ZNF248: variants seen among roughly 807,000 people sequenced by gnomAD.
The protein encoded by ZNF248 is zinc finger protein 248.
A neutral mutation model predicts 44.3 loss-of-function variants in ZNF248; 20 were observed. That is an observed-to-expected ratio of 0.45 (90% confidence interval 0.32 to 0.66). The LOEUF (loss-of-function observed/expected upper bound fraction) is 0.66. Ranked by LOEUF, ZNF248 falls within the 30% of genes least tolerant of loss-of-function variation. ZNF248 has a pLI of 0.04. For synonymous variants in ZNF248, 224 were observed against 229.0 expected, an observed-to-expected ratio of 0.98 and a Z score of 0.20; for missense variants, 654 against 677.0, an observed-to-expected ratio of 0.97 and a Z score of 0.38.
chr10:37,824,148 G>A (rs114805153), downstream of ZNF248, among the ~76,000 whole-genome samples: 919 of 152,200 alleles, frequency 6.0e-3, 10 homozygotes, highest in African/African-American at 0.021. Context: ...CAGGCTGAAG[G>A]CTCAAGACCC....
chr10:37,800,364 T>C (rs1272381330), intron 6 of ZNF248, among the ~76,000 whole-genome samples: 1 of 152,158 alleles, frequency 6.6e-6, no homozygotes, highest in East Asian at 1.9e-4. Flanking sequence ...TAAGAATATA[T>C]AGTATTTGGT....
intron 5 of ZNF248, among the ~76,000 whole-genome samples, chr10:37,834,251 A>G (rs1257178452): frequency 1.3e-5 from 2 of 152,200 alleles, no homozygotes; most frequent in African/African-American, 2.4e-5. Context: ...TACTGTTTAT[A>G]TAATTCATTG....
chr10:37,836,645 C>T (rs961777726), intron 5 of ZNF248, among the ~76,000 whole-genome samples: 3 of 152,114 alleles, frequency 2.0e-5, no homozygotes, highest in Non-Finnish European at 4.4e-5. Flanking sequence ...TACCGTCATT[C>T]TTCGTCCTCC....
Position 37,838,915 on chromosome 10 carries a change from A to G in ZNF248, c.16-804T>C, listed in dbSNP as rs1417240756. On this transcript the variant is annotated intron_variant, in intron 3 of 5. Transcript: ENST00000395867. The stretch of plus-strand genomic sequence containing the variant: ...CATACATGGTATGTGTGCTATACAG[A>G]AAAAGGTTAATACAGCAAGCCTGAG... Among the ~76,000 whole-genome samples the G allele has an allele frequency of 2.6e-5, 4 of 152,298 alleles. No individual in the cohort carries two copies. In the East Asian group the frequency reaches 7.7e-4, roughly 29 times the overall value.
At chr10:37,763,633 T>G in the ZNF248 span, among the ~76,000 whole-genome samples, 2 of 152,224 alleles carry the variant, frequency 1.3e-5, no homozygotes, top group Non-Finnish European at 2.9e-5. Flanking sequence ...AGGATTTTAA[T>G]GTTTGAGTTT....
rs191797840 is a variant in ZNF248, at chr10:37,812,191, C to T, written c.330+20834G>A. 7.4e-4 allele frequency among the ~76,000 whole-genome samples: 112 copies of T among 151,994 alleles called. No homozygotes were observed. In the East Asian group the frequency reaches 0.014, roughly 19 times the overall value. ...GGTCAAGTCTGCAGTGAGCCATGAC[C>T]GCTCCACTGCACTCCAGCCTGGGTG... On this transcript the variant is annotated intron_variant, in intron 6 of 6. Transcript: ENST00000615949.
At chr10:37,826,196 T>C (rs1424123640), downstream of ZNF248, among the ~76,000 whole-genome samples, 1 of 152,148 alleles carries the variant, frequency 6.6e-6, no homozygotes, top group Admixed American at 6.6e-5. Context: ...GTGTGTATCC[T>C]AAAAGGACAC....
At chr10:37,844,646 C>A (rs551797282) in intron 3 of ZNF248, among the ~76,000 whole-genome samples, 100 of 152,134 alleles carry the variant, frequency 6.6e-4, no homozygotes, top group Non-Finnish European at 1.0e-3. Flanking sequence ...GATACTGAGA[C>A]AAAACTGGTA....
intron 6 of ZNF248, among the ~76,000 whole-genome samples, chr10:37,817,503 C>CA (rs1367473149): frequency 6.6e-6 from 1 of 152,078 alleles, no homozygotes; most frequent in Non-Finnish European, 1.5e-5. Flanking sequence ...TGTCCAATGA[C>CA]AAAAACCCAC....
chr10:37,807,441 T>C (rs992492491), intron 6 of ZNF248, among the ~76,000 whole-genome samples: 3 of 152,188 alleles, frequency 2.0e-5, no homozygotes, highest in Non-Finnish European at 4.4e-5. Context: ...TTTGGATATA[T>C]TTTTCTACTA....
chr10:37,761,867 C>T, the ZNF248 span, among the ~76,000 whole-genome samples: 2 of 152,166 alleles, frequency 1.3e-5, no homozygotes, highest in Non-Finnish European at 2.9e-5. Flanking sequence ...TCATATAAAG[C>T]TTCAAGGTTG....
At chr10:37,776,513 T>G, downstream of ZNF248, 2 of 398,402 alleles carry the variant, frequency 5.0e-6, no homozygotes, top group Non-Finnish European at 8.9e-6. Context: ...GGGATTCCTG[T>G]TCCTAGGGCG....
chr10:37,825,909 A>AG (rs1554828396), downstream of ZNF248, among the ~76,000 whole-genome samples: 156 of 150,406 alleles, frequency 1.0e-3, 1 homozygote, highest in Middle Eastern at 3.5e-3. Flanking sequence ...AAAAAAAAAA[A>AG]GGGGGGGAGA....
chr10:37,801,782 A>C (rs771411839), intron 6 of ZNF248, among the ~76,000 whole-genome samples: 3 of 152,120 alleles, frequency 2.0e-5, no homozygotes, highest in Non-Finnish European at 4.4e-5. Context: ...TTTCATGTGC[A>C]GTACCACAGA....
downstream of ZNF248, among the ~76,000 whole-genome samples, chr10:37,826,565 T>C (rs977138105): frequency 5.9e-5 from 9 of 152,204 alleles, no homozygotes; most frequent in Admixed American, 4.6e-4. Flanking sequence ...AACTTTTCTA[T>C]AGGAACTTTA....
At chr10:37,850,604 C>T (rs1248347492) in intron 3 of ZNF248, among the ~76,000 whole-genome samples, 1 of 152,056 alleles carries the variant, frequency 6.6e-6, no homozygotes, top group Non-Finnish European at 1.5e-5. Context: ...ACACATACAC[C>T]AATGGAACAT....
intron 6 of ZNF248, among the ~76,000 whole-genome samples, chr10:37,811,749 G>C (rs1376116857): frequency 6.6e-6 from 1 of 151,888 alleles, no homozygotes; most frequent in Non-Finnish European, 1.5e-5. Flanking sequence ...GGGAAGCTGA[G>C]GTGGGAGGAT....
At chr10:37,853,045 T>C (rs1254562060) in intron 3 of ZNF248, among the ~76,000 whole-genome samples, 1 of 151,976 alleles carries the variant, frequency 6.6e-6, no homozygotes, top group African/African-American at 2.4e-5. Flanking sequence ...TACTTTATAC[T>C]AGAAACATGG....
rs1001778770 is a variant in ZNF248 at position 37,828,935 on chromosome 10, T to C, written c.*2680A>G. ...AGTTCCAAAGGGAGTTTACTTATGC[T>C]AACAGGAAAGCAGAACAAACAGAAA... On this transcript the variant is annotated 3_prime_UTR_variant, in exon 6 of 6. Coordinates refer to ENST00000395867, the MANE Select transcript of ZNF248 (RefSeq NM_021045.3). 12 of 985,264 alleles carry C rather than the reference T, an allele frequency of 1.2e-5. No individual in the cohort carries two copies. The Admixed American group carries it at 6.2e-4, about 51-fold the overall frequency. 61.0% of individuals were successfully genotyped at this position (985,264 alleles called of 1,614,324 possible). A position where few individuals can be genotyped will look rare whatever the true frequency, so the allele number is the denominator to read the frequency against.
Sources: allele counts gnomAD v4.1 joint callset (sites outside exome capture counted in the v4.1 genomes callset), GRCh38; gene constraint gnomAD v4.1.1; transcripts MANE v1.5; gene names NCBI Gene and HGNC (gene_info 2026-07-23, HGNC 2026-07-21).